PCDHGB5: variants seen among roughly 807,000 people sequenced by gnomAD.
The protein encoded by PCDHGB5 is protocadherin gamma-B5.
A neutral mutation model predicts 62.9 loss-of-function variants in PCDHGB5; 48 were observed. The ratio of observed to expected loss-of-function variants is 0.76; its 90% confidence interval spans 0.61 to 0.97. The LOEUF (loss-of-function observed/expected upper bound fraction) is 0.97. Among genes scored for constraint, PCDHGB5 ranks in the 50% least tolerant of loss-of-function variants. The pLI is 0.00. For synonymous variants in PCDHGB5, 474 were observed against 511.2 expected, an observed-to-expected ratio of 0.93 and a Z score of 0.98; for missense variants, 1,118 against 1,198.6, an observed-to-expected ratio of 0.93 and a Z score of 0.99.
chr5:141,409,452 A>T, intron 1 of PCDHGB5: 1 of 1,613,990 alleles, frequency 6.2e-7, no homozygotes, highest in Non-Finnish European at 8.5e-7. Context: ...CAGACACCAG[A>T]ATACAATGTC....
rs2099411055 is a variant in PCDHGB5, at chr5:141,477,429, C to T, written c.2398-17378C>T. 6.2e-7 allele frequency: 1 copy of T among 1,614,218 alleles called. No individual in the cohort carries two copies. Among genetic ancestry groups the T allele is most frequent in the South Asian group, 1.1e-5 (1 of 91,082 alleles). ...CGAGACGCCGGAACCCCTTCCCTCT[C>T]AGCCCTTACAATAGTGCGTGTTCAA... On this transcript the variant is annotated intron_variant, in intron 1 of 3. Coordinates refer to ENST00000617380, the MANE Select transcript of PCDHGB5 (RefSeq NM_018925.3). The surrounding 1 kb of genome is among the most constrained non-coding windows in gnomAD (Gnocchi z 4.9).
At chr5:141,403,784 G>T in intron 1 of PCDHGB5, 1 of 1,613,906 alleles carries the variant, frequency 6.2e-7, no homozygotes, top group Non-Finnish European at 8.5e-7. Context: ...CGGAAAAGTG[G>T]CATACAAATT....
At chr5:141,441,386 G>A (rs2098243752) in intron 1 of PCDHGB5, 1 of 153,358 alleles carries the variant, frequency 6.5e-6, no homozygotes, top group African/African-American at 2.4e-5. Flanking sequence ...ACAGACCCAA[G>A]GTATAACATC....
intron 1 of PCDHGB5, chr5:141,408,803 G>T: frequency 6.2e-7 from 1 of 1,613,150 alleles, no homozygotes; most frequent in South Asian, 1.1e-5. Flanking sequence ...GAAACTCCTA[G>T]ACCGGGAAGA....
At chr5:141,422,296 A>T (rs200545713) in intron 1 of PCDHGB5, 6 of 1,550,706 alleles carry the variant, frequency 3.9e-6, no homozygotes, top group Non-Finnish European at 4.3e-6. Context: ...TATTAATTCA[A>T]TTCTGGAAAA....
rs756216038 is a variant in PCDHGB5, at chr5:141,477,967, C to G, written c.2398-16840C>G. 1.9e-6 allele frequency: 3 copies of G among 1,614,032 alleles called. No homozygotes were observed. Among genetic ancestry groups the G allele is most frequent in the Admixed American group, 3.3e-5 (2 of 59,996 alleles). ...GTCTCTTGGGATCCCCTAACCAGAG[C>G]CTTTTTGCCATAGGGCTGCACACTG... On this transcript the variant is annotated intron_variant, in intron 1 of 3. Transcript: ENST00000617380. The surrounding 1 kb of genome is among the most constrained non-coding windows in gnomAD (Gnocchi z 4.9).
Position 141,485,598 on chromosome 5 carries a change from T to C in PCDHGB5, c.2398-9209T>C, listed in dbSNP as rs931717579. 25 of 1,612,028 alleles carry C rather than the reference T, an allele frequency of 1.6e-5. No individual in the cohort carries two copies. Among genetic ancestry groups the C allele is most frequent in the African/African-American group, 2.7e-5 (2 of 74,838 alleles). ...CCGCGGCAGCAGCTGGACTTGGAAA[T>C]TGGGGAGGCAGCTCCTCCAGGACAG... On this transcript the variant is annotated intron_variant, in intron 1 of 3. Transcript: ENST00000617380. This position sits in a 1 kb window ranked among gnomAD's most constrained non-coding sequence, Gnocchi z 5.7.
At position 141,477,056 on chromosome 5, in the gene PCDHGB5, G is replaced by T; in HGVS notation, c.2398-17751G>T. 6.2e-7 allele frequency: 1 copy of T among 1,614,242 alleles called. No homozygotes were observed. The highest frequency in any genetic ancestry group is 8.5e-7 in the Non-Finnish European group (1 of 1,180,046). Reference sequence around the variant, plus strand: ...AATCAAGGGTCGGCTGGACTTCGAGGACACCAAACTCCATGAGATTTACAT... The same window carrying T: ...AATCAAGGGTCGGCTGGACTTCGAGTACACCAAACTCCATGAGATTTACAT... On this transcript the variant is annotated intron_variant, in intron 1 of 3. Coordinates refer to ENST00000617380, the MANE Select transcript of PCDHGB5 (RefSeq NM_018925.3). This position sits in a 1 kb window ranked among gnomAD's most constrained non-coding sequence, Gnocchi z 4.9.
rs760676891 is a variant in PCDHGB5, at chr5:141,413,180, CCGCTCAAAGGAAT to C, written c.2397+12671_2397+12683del. The C allele has an allele frequency of 6.9e-5, 111 of 1,602,612 alleles. No individual in the cohort carries two copies. The East Asian group carries it at 9.6e-4, about 14-fold the overall frequency. ...GAATTCTGTAACCAGACTACAATGG[CCGCTCAAAGGAAT>C]CGCTCAAAGGAATCAAAGGATTGCA... On this transcript the variant is annotated intron_variant, in intron 1 of 3. Transcript: ENST00000617380.
chr5:141,418,821 C>G (rs750200042), intron 1 of PCDHGB5: 1 of 1,613,846 alleles, frequency 6.2e-7, no homozygotes, highest in Non-Finnish European at 8.5e-7. Flanking sequence ...AACATAGAAG[C>G]AAAAGACCGA....
At chr5:141,415,818 A>C in intron 1 of PCDHGB5, 11 of 1,325,038 alleles carry the variant, frequency 8.3e-6, no homozygotes, top group Non-Finnish European at 8.7e-6. Flanking sequence ...CCTATATATC[A>C]TAAGGCTTTG....
chr5:141,461,334 G>T (rs558562450), intron 1 of PCDHGB5, among the ~76,000 whole-genome samples: 75 of 152,166 alleles, frequency 4.9e-4, no homozygotes, highest in African/African-American at 1.7e-3. Flanking sequence ...GGCCATTCTT[G>T]CAGGACCAAG....
At chr5:141,469,374 A>G (rs1270202528) in intron 1 of PCDHGB5, among the ~76,000 whole-genome samples, 1 of 152,076 alleles carries the variant, frequency 6.6e-6, no homozygotes, top group Non-Finnish European at 1.5e-5. Flanking sequence ...AAAGAGATCG[A>G]GACCATCCTG....
chr5:141,476,053 A>G lies in PCDHGB5; in HGVS notation c.2398-18754A>G. 2 of 1,501,944 alleles carry G rather than the reference A, an allele frequency of 1.3e-6. No homozygotes were observed. Among genetic ancestry groups the G allele is most frequent in the Non-Finnish European group, 1.8e-6 (2 of 1,131,392 alleles). 93.0% of individuals were successfully genotyped at this position (1,501,944 alleles called of 1,614,324 possible). ...CAGCGCCCAAGCGCTAACCCGCTGA[A>G]AGTTTCTCAGCGAAATCTCAGGGAC... On this transcript the variant is annotated intron_variant, in intron 1 of 3. Coordinates refer to ENST00000617380, the MANE Select transcript of PCDHGB5 (RefSeq NM_018925.3). The surrounding 1 kb of genome is among the most constrained non-coding windows in gnomAD (Gnocchi z 7.6).
intron 1 of PCDHGB5, chr5:141,405,415 G>GT (rs757320616): frequency 1.9e-6 from 3 of 1,559,568 alleles, no homozygotes; most frequent in South Asian, 2.3e-5. Context: ...TTCTTTTTTT[G>GT]TTTTTTGTTT....
chr5:141,506,740 T>C (rs1006665092), intron 3 of PCDHGB5, among the ~76,000 whole-genome samples: 2 of 152,104 alleles, frequency 1.3e-5, no homozygotes, highest in African/African-American at 2.4e-5. Context: ...ATAATGCCTA[T>C]TAATAAAGAC....
intron 1 of PCDHGB5, among the ~76,000 whole-genome samples, chr5:141,464,921 G>A (rs1562002597): frequency 6.6e-6 from 1 of 151,106 alleles, no homozygotes; most frequent in Non-Finnish European, 1.5e-5. Flanking sequence ...TTATTTTTTT[G>A]TAGAGATGTG....
chr5:141,445,048 A>G (rs1364884310), intron 1 of PCDHGB5, among the ~76,000 whole-genome samples: 4 of 152,234 alleles, frequency 2.6e-5, no homozygotes, highest in Non-Finnish European at 5.9e-5. Flanking sequence ...TTTTCAGTGT[A>G]GAGAGGTCAT....
chr5:141,505,255 C>T (rs2099844853), intron 2 of PCDHGB5, 138 bp from the exon 3 acceptor site: 1 of 1,481,112 alleles, frequency 6.8e-7, no homozygotes, highest in Admixed American at 2.1e-5. Context: ...AGAAGTGCCT[C>T]CTACCTTGCT....
Sources: gnomAD v4.1 joint callset for allele counts (sites outside exome capture counted in the v4.1 genomes callset) on GRCh38, gnomAD v4.1.1 for gene constraint, Gnocchi (gnomAD v3.1) non-coding constraint, MANE v1.5 for transcripts, NCBI Gene and HGNC (gene_info 2026-07-23, HGNC 2026-07-21) for gene names.